TNS3: variants seen among roughly 807,000 people sequenced by gnomAD.
TNS3 encodes tensin-3.
Under a neutral mutation model 140.9 loss-of-function variants are expected in TNS3, and 45 were observed. That is an observed-to-expected ratio of 0.32 (90% CI 0.25 to 0.41). TNS3 has a LOEUF of 0.41. Among genes scored for constraint, TNS3 ranks in the 10% least tolerant of loss-of-function variants. TNS3 has a pLI of 1.00. For missense variants in TNS3, 1,716 were observed against 1,906.7 expected (o/e 0.90, Z 1.86); for synonymous variants, 815 against 788.4 (o/e 1.03, Z -0.56).
At chr7:47,507,090 A>G (rs934203658) in intron 2 of TNS3, 146 bp from the exon 3 acceptor site, 10 of 530,120 alleles carry the variant, frequency 1.9e-5, no homozygotes, top group African/African-American at 1.6e-4. Flanking sequence ...AGATTTTTAC[A>G]TATGACACAC....
At chr7:47,389,000 AAGGAAG>A (rs1792252741) in intron 16 of TNS3, among the ~76,000 whole-genome samples, 1 of 15,130 alleles carries the variant, frequency 6.6e-5, no homozygotes, top group African/African-American at 8.5e-5. Context: ...GAAGAAGAAG[AAGGAAG>A]AAGAAGAAGA....
At chr7:47,404,740 C>T (rs532555172) in intron 13 of TNS3, among the ~76,000 whole-genome samples, 3 of 152,050 alleles carry the variant, frequency 2.0e-5, no homozygotes, top group Admixed American at 6.6e-5. Context: ...TACAAAAAGC[C>T]GGTCATGGGG....
At chr7:47,298,567 A>G (rs1786189886) in intron 23 of TNS3, among the ~76,000 whole-genome samples, 1 of 152,268 alleles carries the variant, frequency 6.6e-6, no homozygotes, top group African/African-American at 2.4e-5. Context: ...TTTAGAGTAT[A>G]AAGTTATACA....
At chr7:47,278,362 G>T in intron 30 of TNS3, 142 bp from the exon 31 acceptor site, 1 of 921,552 alleles carries the variant, frequency 1.1e-6, no homozygotes, top group Non-Finnish European at 1.6e-6. Context: ...CACCCTGCTG[G>T]CCACCTGTTC....
intron 3 of TNS3, chr7:47,481,646 T>C (rs1218334941): frequency 4.1e-6 from 4 of 985,086 alleles, no homozygotes; most frequent in Non-Finnish European, 4.8e-6. Flanking sequence ...AATGTGGCAA[T>C]GTCAACCTGG....
intron 21 of TNS3, among the ~76,000 whole-genome samples, chr7:47,303,908 G>T (rs1786583824): frequency 6.6e-6 from 1 of 152,172 alleles, no homozygotes; most frequent in African/African-American, 2.4e-5. Context: ...ACCGGGTCAA[G>T]GCCCTTTCGT....
Position 47,277,813 on chromosome 7 carries a change from G to A in TNS3, c.*263C>T. The A allele has an allele frequency of 1.9e-6, 1 of 533,954 alleles. No individual in the cohort carries two copies. The highest frequency in any genetic ancestry group is 3.4e-6 in the Non-Finnish European group (1 of 292,024). The allele number at this position is 533,954 out of a possible 1,614,324, so 33.1% of individuals were successfully genotyped here. A position where few individuals can be genotyped will look rare whatever the true frequency, so the allele number is the denominator to read the frequency against. ...CCCTTTCCCATGGGGACCCTAGGGG[G>A]TGGGGTGCACCCATGCCCAGCTTCT... On this transcript the variant is annotated 3_prime_UTR_variant, in exon 31 of 31. Transcript: ENST00000311160.
intron 1 of TNS3, among the ~76,000 whole-genome samples, chr7:47,549,016 A>C (rs1799993355): frequency 6.6e-6 from 1 of 152,116 alleles, no homozygotes; most frequent in East Asian, 1.9e-4. Context: ...ATAAAGCCCC[A>C]AAAAGGCCCA....
At chr7:47,363,676 G>A (rs1404499721) in intron 17 of TNS3, among the ~76,000 whole-genome samples, 1 of 152,212 alleles carries the variant, frequency 6.6e-6, no homozygotes, top group African/African-American at 2.4e-5. Flanking sequence ...AGGGGCTCAT[G>A]TAGACATAGT....
chr7:47,459,858 C>T (rs1023268254), intron 4 of TNS3, among the ~76,000 whole-genome samples: 2 of 152,190 alleles, frequency 1.3e-5, no homozygotes, highest in East Asian at 3.9e-4. Flanking sequence ...GGATGAAATG[C>T]ATTCCCACAA....
At chr7:47,351,605 C>T (rs749189318) in intron 17 of TNS3, among the ~76,000 whole-genome samples, 10 of 152,132 alleles carry the variant, frequency 6.6e-5, no homozygotes, top group Non-Finnish European at 1.0e-4. Context: ...GTCAAGGCTC[C>T]GGTGCCACAT....
chr7:47,320,663 G>A (rs967472011), intron 20 of TNS3, among the ~76,000 whole-genome samples: 3 of 152,166 alleles, frequency 2.0e-5, no homozygotes, highest in Non-Finnish European at 4.4e-5. Flanking sequence ...TGTTGGATGA[G>A]GGCTCACCCT....
intron 18 of TNS3, among the ~76,000 whole-genome samples, chr7:47,345,590 A>T (rs569219768): frequency 1.3e-5 from 2 of 152,328 alleles, no homozygotes; most frequent in South Asian, 4.2e-4. Context: ...CAAGTCTAAA[A>T]TAATTAATCG....
At chr7:47,325,154 G>A (rs1229827580) in intron 20 of TNS3, among the ~76,000 whole-genome samples, 1 of 152,100 alleles carries the variant, frequency 6.6e-6, no homozygotes, top group African/African-American at 2.4e-5. Context: ...CCAGAAGCAA[G>A]CCTTATCTTT....
At chr7:47,423,942 G>A (rs1208557582) in intron 10 of TNS3, among the ~76,000 whole-genome samples, 159 bp downstream of exon 10, 1 of 152,170 alleles carries the variant, frequency 6.6e-6, no homozygotes. Flanking sequence ...TAACCTCTGG[G>A]AGGGACAAGT....
chr7:47,362,552 T>C (rs1204028022), intron 17 of TNS3, among the ~76,000 whole-genome samples: 1 of 152,170 alleles, frequency 6.6e-6, no homozygotes, highest in East Asian at 1.9e-4. Flanking sequence ...GTTTACTGGC[T>C]GGTGTAAGAG....
At chr7:47,449,569 G>A (rs1795917881) in intron 4 of TNS3, among the ~76,000 whole-genome samples, 1 of 152,166 alleles carries the variant, frequency 6.6e-6, no homozygotes, top group Non-Finnish European at 1.5e-5. Flanking sequence ...CCCGACCTGA[G>A]TCATATGTTC....
At chr7:47,322,915 C>T (rs569694655) in intron 20 of TNS3, among the ~76,000 whole-genome samples, 3 of 152,188 alleles carry the variant, frequency 2.0e-5, no homozygotes, top group Admixed American at 1.3e-4. Context: ...CTGCTGGAAC[C>T]GTGTCAGAGG....
At chr7:47,422,823 T>C (rs1159719011) in intron 10 of TNS3, among the ~76,000 whole-genome samples, 2 of 151,736 alleles carry the variant, frequency 1.3e-5, no homozygotes, top group Non-Finnish European at 2.9e-5. Context: ...CATATGAATG[T>C]CACGATTTTG....
Sources: allele counts gnomAD v4.1 joint callset (sites outside exome capture counted in the v4.1 genomes callset), GRCh38; gene constraint gnomAD v4.1.1; transcripts MANE v1.5; gene names NCBI Gene and HGNC (gene_info 2026-07-23, HGNC 2026-07-21).